The following CCDC40 variants were observed in gnomAD, a reference collection of about 807,000 sequenced individuals.
The protein encoded by CCDC40 is coiled-coil domain-containing protein 40.
A neutral mutation model predicts 124.5 loss-of-function variants in CCDC40; 104 were observed. The ratio of observed to expected loss-of-function variants is 0.84; its 90% CI spans 0.71 to 0.98. The LOEUF is 0.98. CCDC40 is among the 50% of genes least tolerant of loss of function. CCDC40 has a pLI of 0.00. For synonymous variants in CCDC40, 580 were observed against 602.9 expected, an observed-to-expected ratio of 0.96 and a Z score of 0.56; for missense variants, 1,463 against 1,503.9, an observed-to-expected ratio of 0.97 and a Z score of 0.45.
chr17:80,056,001 TATATATATATATATA>T (rs373856902), intron 7 of CCDC40, among the ~76,000 whole-genome samples: 6 of 19,524 alleles, frequency 3.1e-4, no homozygotes, highest in South Asian at 1.5e-3. Flanking sequence ...TATATATATA[TATATATATATATATA>T]TTTTTTTTTT....
chr17:80,088,094 G>A lies in CCDC40; in HGVS notation c.2703G>A (p.Val901=), dbSNP rs1462140108. 1 of 1,612,646 alleles carries A rather than the reference G, an allele frequency of 6.2e-7. No individual in the cohort carries two copies. The highest frequency in any genetic ancestry group is 8.5e-7 in the Non-Finnish European group (1 of 1,178,686). The stretch of plus-strand genomic sequence containing the variant: ...AGGCGACCCTCCTGAATCAACTGGT[G>A]GAAGCAGAGTGAGTCCCAGTCTCCA... The part of the protein sequence containing the change: ...EEKATLLNQL[V]EAEHQIMLWE... The change falls in exon 16 of 20, where the codon GTG becomes GTA. Residue 901 remains valine, a synonymous_variant. Coordinates refer to ENST00000397545, the MANE Select transcript of CCDC40 (RefSeq NM_017950.4).
intron 12 of CCDC40, 151 bp from the exon 13 acceptor site, chr17:80,084,592 C>T (rs777523024): frequency 6.7e-5 from 59 of 876,606 alleles, no homozygotes; most frequent in African/African-American, 1.6e-4. Flanking sequence ...GTCCTGGAGA[C>T]AGTGGGAAAT....
chr17:80,071,336 C>T (rs2038181637), intron 10 of CCDC40, among the ~76,000 whole-genome samples: 1 of 152,244 alleles, frequency 6.6e-6, no homozygotes. Context: ...GCCACACGGC[C>T]TCACAGCCTC....
intron 10 of CCDC40, among the ~76,000 whole-genome samples, chr17:80,081,265 A>G (rs1043187042): frequency 1.3e-5 from 2 of 152,056 alleles, no homozygotes; most frequent in Non-Finnish European, 2.9e-5. Context: ...CACACCTGTA[A>G]TCCCAGCCAC....
At chr17:80,073,489 T>G (rs1480708448) in intron 10 of CCDC40, among the ~76,000 whole-genome samples, 1 of 152,328 alleles carries the variant, frequency 6.6e-6, no homozygotes, top group African/African-American at 2.4e-5. Context: ...AATTGGTTTT[T>G]GGCAAAGCCA....
intron 10 of CCDC40, among the ~76,000 whole-genome samples, chr17:80,080,731 G>T (rs980219580): frequency 2.0e-5 from 3 of 152,148 alleles, no homozygotes; most frequent in African/African-American, 4.8e-5. Flanking sequence ...GTACAAAAGA[G>T]TTGTCAACTT....
At chr17:80,060,749 G>T (rs1568686887) in intron 9 of CCDC40, among the ~76,000 whole-genome samples, 1 of 152,134 alleles carries the variant, frequency 6.6e-6, no homozygotes, top group East Asian at 1.9e-4. Context: ...AGATAGACAG[G>T]CAAGACATTG....
At chr17:80,041,627 A>T (rs2037285709) in intron 3 of CCDC40, among the ~76,000 whole-genome samples, 1 of 152,184 alleles carries the variant, frequency 6.6e-6, no homozygotes, top group Non-Finnish European at 1.5e-5. Flanking sequence ...TCAGTTCAGA[A>T]TCAAATGTTG....
At chr17:80,048,526 AATC>A in intron 4 of CCDC40, 54 bp from the exon 5 acceptor site, 1 of 1,419,906 alleles carries the variant, frequency 7.0e-7, no homozygotes. Flanking sequence ...CCCAGAATAG[AATC>A]ACTGAGGCTT....
At position 80,087,865 on chromosome 17, in the gene CCDC40, A is replaced by G. The variant is rs936121402; in HGVS notation, c.2619+89A>G. On this transcript the variant is annotated intron_variant, in intron 15 of 19. Transcript: ENST00000397545. The surrounding 1 kb of genome is among the most constrained non-coding windows in gnomAD (Gnocchi z 4.5). Reference sequence around the variant, plus strand: ...GGTGGGCGTTCTGCACCAGGATGTAATTTCCACACCCGTTCAAGATGCTTG... The same window carrying G: ...GGTGGGCGTTCTGCACCAGGATGTAGTTTCCACACCCGTTCAAGATGCTTG... 1 of 1,357,168 alleles carries G rather than the reference A, an allele frequency of 7.4e-7. No individual in the cohort carries two copies. The highest frequency in any genetic ancestry group is 1.1e-6 in the Non-Finnish European group (1 of 947,236). The allele number at this position is 1,357,168 out of a possible 1,614,324, so 84.1% of individuals were successfully genotyped here. A position where few individuals can be genotyped will look rare whatever the true frequency, so the allele number is the denominator to read the frequency against.
At chr17:80,068,680 G>A (rs999521406) in intron 10 of CCDC40, among the ~76,000 whole-genome samples, 1 of 151,932 alleles carries the variant, frequency 6.6e-6, no homozygotes, top group Non-Finnish European at 1.5e-5. Flanking sequence ...ATCCCCATGG[G>A]GCAGGACCCC....
rs138636518 is a variant in CCDC40, at chr17:80,093,938, C to G, written c.2833-1325C>G. ...TGTCTTTGCCCTCTGTTTAGGGGGT[C>G]TTTTGCCACACAGACTTTTTAGTGT... On this transcript the variant is annotated intron_variant, in intron 17 of 19. Coordinates refer to ENST00000397545, the MANE Select transcript of CCDC40 (RefSeq NM_017950.4). Among the ~76,000 whole-genome samples, 80 of 152,282 alleles carry G rather than the reference C, an allele frequency of 5.3e-4. 1 individual carries two copies. Among genetic ancestry groups the G allele is most frequent in the African/African-American group, 1.9e-3 (77 of 41,558 alleles).
intron 2 of CCDC40, among the ~76,000 whole-genome samples, chr17:80,038,612 G>A (rs1294085220): frequency 6.6e-6 from 1 of 151,960 alleles, no homozygotes; most frequent in African/African-American, 2.4e-5. Context: ...AGATCACGAG[G>A]TCAAAAGATC....
chr17:80,037,688 A>AAAAAAATATATATATAT, intron 1 of CCDC40, among the ~76,000 whole-genome samples: 13 of 45,710 alleles, frequency 2.8e-4, no homozygotes, highest in African/African-American at 6.5e-4. Flanking sequence ...TTTTTTAAAA[A>AAAAAAATATATATATAT]AGATATACAT....
rs2037242402 is a variant in CCDC40, at chr17:80,040,266, G to C, written c.548G>C (p.Arg183Thr). 6.2e-7 allele frequency: 1 copy of C among 1,613,038 alleles called. No individual in the cohort carries two copies. Among genetic ancestry groups the C allele is most frequent in the Non-Finnish European group, 8.5e-7 (1 of 1,179,848 alleles). ...GTCACCTCTGGGCCAGCAGTGGGCAGATTGGTGAGTAGCCCTGACTTCTGT... is the reference window on the plus strand; with the variant it reads ...GTCACCTCTGGGCCAGCAGTGGGCACATTGGTGAGTAGCCCTGACTTCTGT... ...GQVTSGPAVG[R>T]LTGSTEEPQG... The change falls in exon 3 of 20, where the codon AGA becomes ACA. Residue 183 changes from arginine (R) to threonine (T), a missense_variant. By Grantham distance (71) the Arg-to-Thr change is moderately conservative. Transcript: ENST00000397545.
intron 10 of CCDC40, 138 bp from the exon 11 acceptor site, chr17:80,081,408 A>AAATAAATG: frequency 1.5e-6 from 1 of 650,444 alleles, no homozygotes; most frequent in Non-Finnish European, 2.6e-6. Context: ...ATAAATAAAT[A>AAATAAATG]AATAAGAGTT....
In CCDC40 at chr17:80,056,016, A is replaced by ATTTTTTTTTTTTTTTTT. The variant is rs1193599741; in HGVS notation, c.1160-2463_1160-2462insTTTTTTTTTTTTTTTTT. Among the ~76,000 whole-genome samples the ATTTTTTTTTTTTTTTTT allele has an allele frequency of 5.9e-4, 6 of 10,250 alleles. 1 individual carries two copies. The highest frequency in any genetic ancestry group is 2.1e-3 in the African/African-American group (6 of 2,844). 6.7% of individuals were successfully genotyped at this position (10,250 alleles called of 152,430 possible). A position where few individuals can be genotyped will look rare whatever the true frequency, so the allele number is the denominator to read the frequency against. On this transcript the variant is annotated intron_variant, in intron 7 of 19. Coordinates refer to ENST00000397545, the MANE Select transcript of CCDC40 (RefSeq NM_017950.4). ...TATATATATATATATATATATATAT[A>ATTTTTTTTTTTTTTTTT]TTTTTTTTTTTTTTTGGTAGAAACA...
In CCDC40 at chr17:80,040,274, AGTAGCC is replaced by A; in HGVS notation, c.552+5_552+10del. 1.9e-6 allele frequency: 3 copies of A among 1,612,378 alleles called. No individual in the cohort carries two copies. The highest frequency in any genetic ancestry group is 2.5e-6 in the Non-Finnish European group (3 of 1,179,646). ...TGGGCCAGCAGTGGGCAGATTGGTGAGTAGCCCTGACTTCTGTTTTGTGCCAGTGTC... is the reference window on the plus strand; with the variant it reads ...TGGGCCAGCAGTGGGCAGATTGGTGACTGACTTCTGTTTTGTGCCAGTGTC... On this transcript the variant is annotated splice_donor_5th_base_variant and intron_variant, in intron 3 of 19. Coordinates refer to ENST00000397545, the MANE Select transcript of CCDC40 (RefSeq NM_017950.4).
intron 3 of CCDC40, among the ~76,000 whole-genome samples, chr17:80,041,070 C>T (rs1244615900): frequency 2.0e-5 from 3 of 152,160 alleles, no homozygotes; most frequent in African/African-American, 7.2e-5. Flanking sequence ...TTTAAACAAT[C>T]ACAAAGTTAC....
Sources: allele counts gnomAD v4.1 joint callset (sites outside exome capture counted in the v4.1 genomes callset), GRCh38; gene constraint gnomAD v4.1.1; non-coding constraint Gnocchi (gnomAD v3.1); transcripts MANE v1.5; gene names NCBI Gene and HGNC (gene_info 2026-07-23, HGNC 2026-07-21).